The following OCIAD1 variants were observed in gnomAD, a reference collection of about 807,000 sequenced individuals.
OCIAD1 encodes the protein OCIA domain containing 1, also known as OCIA domain-containing protein 1.
A neutral mutation model predicts 38.9 loss-of-function variants in OCIAD1; 29 were observed. The ratio of observed to expected loss-of-function variants is 0.74; its 90% CI spans 0.55 to 1.02. The LOEUF (loss-of-function observed/expected upper bound fraction) is 1.02, where lower values mean the gene tolerates loss of function less well. OCIAD1 is among the 50% of genes least tolerant of loss of function. OCIAD1 has a pLI of 0.00. For missense variants in OCIAD1, 288 were observed against 289.6 expected (o/e 0.99, Z 0.04); for synonymous variants, 110 against 92.0 (o/e 1.20, Z -1.12).
At chr4:48,850,158 C>G in intron 6 of OCIAD1, 76 bp downstream of exon 6, 1 of 1,471,296 alleles carries the variant, frequency 6.8e-7, no homozygotes, top group Non-Finnish European at 9.3e-7. Context: ...ACTCATGGCT[C>G]AAAAACATTG....
rs575301779 is a variant in OCIAD1, at chr4:48,857,224, A to G, written c.559A>G (p.Asn187Asp). Residue 187 changes from asparagine to aspartate, a missense_variant, in exon 8 of 9, where the codon AAC becomes GAC. Transcript: ENST00000264312. ...TDHIVQGPDP[N>D]LEESPKRKNI... ...GTTTGTTGTTTTAGGACCTGATCCC[A>G]ACCTTGAAGAAAGTCCTAAAAGAAA... 3 of 1,546,998 alleles carry G rather than the reference A, an allele frequency of 1.9e-6. No homozygotes were observed. The highest frequency in any genetic ancestry group is 2.5e-5 in the South Asian group (2 of 78,882).
At chr4:48,842,772 AAAGAT>A in intron 4 of OCIAD1, 83 bp downstream of exon 4, 2 of 739,420 alleles carry the variant, frequency 2.7e-6, no homozygotes, top group Non-Finnish European at 4.4e-6. Flanking sequence ...TAGAAAAAGT[AAAGAT>A]AACAATGTAT....
intron 3 of OCIAD1, 48 bp downstream of exon 3, chr4:48,833,529 T>C: frequency 8.3e-7 from 1 of 1,198,636 alleles, no homozygotes; most frequent in South Asian, 1.3e-5. Flanking sequence ...AATTTGTACC[T>C]GAAATTTTGA....
chr4:48,825,880 C>T (rs1777244767), intron 1 of OCIAD1, among the ~76,000 whole-genome samples: 1 of 151,538 alleles, frequency 6.6e-6, no homozygotes, highest in South Asian at 2.1e-4. Context: ...CTCTGTTGCC[C>T]AGGCTGGAGT....
intron 3 of OCIAD1, among the ~76,000 whole-genome samples, chr4:48,840,524 A>G (rs933290821): frequency 6.6e-6 from 1 of 152,240 alleles, no homozygotes. Flanking sequence ...TGTGATGGCA[A>G]AGTTAATGCC....
At chr4:48,810,508 G>T (rs1777076223) in intron 1 of OCIAD1, among the ~76,000 whole-genome samples, 1 of 150,074 alleles carries the variant, frequency 6.7e-6, no homozygotes, top group Admixed American at 6.7e-5. Flanking sequence ...AGATCTTGCT[G>T]CATTGTCCAG....
chr4:48,852,882 GT>G (rs1439653723), intron 7 of OCIAD1, among the ~76,000 whole-genome samples: 42 of 126,306 alleles, frequency 3.3e-4, no homozygotes, highest in South Asian at 1.0e-3. Flanking sequence ...TTTGTTTTTT[GT>G]TTTTTTTTTT....
intron 1 of OCIAD1, among the ~76,000 whole-genome samples, chr4:48,808,457 G>A (rs1777053295): frequency 6.6e-6 from 1 of 151,876 alleles, no homozygotes; most frequent in Non-Finnish European, 1.5e-5. Context: ...GTGACAGGGT[G>A]AGACCTTACT....
chr4:48,848,383 T>G lies in OCIAD1; in HGVS notation c.194-16T>G, dbSNP rs749599081. 1 of 1,344,552 alleles carries G rather than the reference T, an allele frequency of 7.4e-7. No individual in the cohort carries two copies. The highest frequency in any genetic ancestry group is 2.3e-5 in the East Asian group (1 of 42,844). 83.3% of individuals were successfully genotyped at this position (1,344,552 alleles called of 1,614,324 possible). On this transcript the variant is annotated splice_polypyrimidine_tract_variant and intron_variant, in intron 4 of 8. Coordinates refer to ENST00000264312, the MANE Select transcript of OCIAD1 (RefSeq NM_017830.4). ...TGTAACAGTGTTACTCAGAAATACT[T>G]AACTCTTTTCTTTAGGAATACTTTC... is the stretch of plus-strand genomic sequence containing the variant.
At chr4:48,813,083 G>A (rs1777107461) in intron 1 of OCIAD1, among the ~76,000 whole-genome samples, 1 of 152,178 alleles carries the variant, frequency 6.6e-6, no homozygotes, top group African/African-American at 2.4e-5. Flanking sequence ...AATTCCACAG[G>A]CTCTTGTCAT....
At chr4:48,849,304 GTAAA>G (rs1201418027) in intron 5 of OCIAD1, among the ~76,000 whole-genome samples, 17 of 151,668 alleles carry the variant, frequency 1.1e-4, no homozygotes, top group East Asian at 3.9e-4. Flanking sequence ...TAAAAAATAA[GTAAA>G]TAAATAAATA....
chr4:48,822,136 T>C (rs1361164247), intron 1 of OCIAD1, among the ~76,000 whole-genome samples: 3 of 152,228 alleles, frequency 2.0e-5, no homozygotes, highest in East Asian at 3.8e-4. Context: ...GCTATCTGAC[T>C]TCAAACTATA....
chr4:48,843,998 A>G (rs1778759403), intron 4 of OCIAD1, among the ~76,000 whole-genome samples: 1 of 152,252 alleles, frequency 6.6e-6, no homozygotes, highest in Non-Finnish European at 1.5e-5. Flanking sequence ...ATTGTATAGT[A>G]GAGACTCTAA....
At chr4:48,831,034 T>C (rs1470748761), upstream of OCIAD1, 3 of 202,866 alleles carry the variant, frequency 1.5e-5, no homozygotes, top group African/African-American at 6.9e-5. Context: ...CGCAGTGAGG[T>C]CTGACGTCAT....
intron 2 of OCIAD1, 51 bp from the exon 3 acceptor site, chr4:48,833,350 C>G (rs777001936): frequency 9.2e-7 from 1 of 1,083,660 alleles, no homozygotes; most frequent in Admixed American, 2.2e-5. Flanking sequence ...TTTTTCAGAC[C>G]TAGTTTTATT....
chr4:48,809,492 C>A (rs1413394633), intron 1 of OCIAD1, among the ~76,000 whole-genome samples: 4 of 151,966 alleles, frequency 2.6e-5, no homozygotes, highest in African/African-American at 9.7e-5. Flanking sequence ...CGCCACTGCA[C>A]TCTGGCCTGG....
Position 48,850,038 on chromosome 4 carries a change from AG to A in OCIAD1, c.334del (p.Glu112LysfsTer27). 1 of 1,613,650 alleles carries A rather than the reference AG, an allele frequency of 6.2e-7. No homozygotes were observed. Among genetic ancestry groups the A allele is most frequent in the Non-Finnish European group, 8.5e-7 (1 of 1,179,890 alleles). On this transcript the variant is annotated frameshift_variant, in exon 6 of 9. Coordinates refer to ENST00000264312, the MANE Select transcript of OCIAD1 (RefSeq NM_017830.4). LOFTEE classifies it high-confidence loss of function. ...AGAAACTTGAAAATTCCCCCCTTGG[AG>A]AAGCTTTACGATCAGGACAAGCACG... ...FKKLENSPLG[E>X]ALRSGQARRS...
chr4:48,820,993 C>T (rs1173679117), intron 1 of OCIAD1, among the ~76,000 whole-genome samples: 4 of 152,134 alleles, frequency 2.6e-5, no homozygotes, highest in Admixed American at 6.5e-5. Context: ...TGGTACCATT[C>T]GTTCTGAAAC....
intron 4 of OCIAD1, among the ~76,000 whole-genome samples, chr4:48,843,924 A>G (rs1778750820): frequency 6.6e-6 from 1 of 152,250 alleles, no homozygotes; most frequent in African/African-American, 2.4e-5. Flanking sequence ...TGGAGGAAAC[A>G]AATGGATGTG....
Sources: allele counts gnomAD v4.1 joint callset (sites outside exome capture counted in the v4.1 genomes callset), GRCh38; gene constraint gnomAD v4.1.1; transcripts MANE v1.5; gene names NCBI Gene and HGNC (gene_info 2026-07-23, HGNC 2026-07-21).